Variants in AKR1D1 observed in about 807,000 individuals in gnomAD.
AKR1D1 encodes aldo-keto reductase family 1 member D1, also known as delta(4)-3-ketosteroid 5-beta-reductase.
Under a neutral mutation model 42.6 loss-of-function variants are expected in AKR1D1, and 32 were observed. The observed-to-expected ratio is 0.75, with a 90% CI of 0.57 to 1.01. AKR1D1 has a LOEUF of 1.01. Among genes scored for constraint, AKR1D1 ranks in the 50% least tolerant of loss-of-function variants. The pLI is 0.00. For synonymous variants in AKR1D1, 123 were observed against 135.5 expected (o/e 0.91, Z 0.64); for missense variants, 364 against 402.2 (o/e 0.91, Z 0.81).
chr7:138,101,849 C>G (rs1794325439), intron 4 of AKR1D1, among the ~76,000 whole-genome samples: 1 of 152,070 alleles, frequency 6.6e-6, no homozygotes, highest in African/African-American at 2.4e-5. Context: ...TAATTTTCCC[C>G]AAATTCATCT....
In AKR1D1 at chr7:138,107,674, A is replaced by G. The variant is rs3816829; in HGVS notation, c.855+94A>G. 1,025,710 of 1,313,282 alleles carry G rather than the reference A, an allele frequency of 0.78. 402,434 individuals carry two copies. Among genetic ancestry groups the G allele is most frequent in the African/African-American group, 0.86 (59,048 of 68,398 alleles). 81.4% of individuals were successfully genotyped at this position (1,313,282 alleles called of 1,614,324 possible). A position where few individuals can be genotyped will look rare whatever the true frequency, so the allele number is the denominator to read the frequency against. ...TTCAGCTTAATAGGAAACCTGTAAC[A>G]CTCTCATATTTTATTTTATACCAGC... On this transcript the variant is annotated intron_variant, in intron 7 of 8. Transcript: ENST00000242375.
intron 7 of AKR1D1, among the ~76,000 whole-genome samples, chr7:138,109,660 T>C (rs1327447387): frequency 6.6e-6 from 1 of 152,208 alleles, no homozygotes; most frequent in Non-Finnish European, 1.5e-5. Flanking sequence ...AGATGCTGAA[T>C]AGTTACATCA....
chr7:138,084,830 G>T (rs1315682551), intron 1 of AKR1D1, among the ~76,000 whole-genome samples: 1 of 151,956 alleles, frequency 6.6e-6, no homozygotes, highest in Admixed American at 6.6e-5. Context: ...GGCTGAGGCG[G>T]GCAGATCACA....
chr7:138,116,301 G>C (rs1219819300), intron 8 of AKR1D1, among the ~76,000 whole-genome samples: 4 of 152,162 alleles, frequency 2.6e-5, no homozygotes, highest in Admixed American at 2.6e-4. Flanking sequence ...GAACAGAAAG[G>C]GGGAAGGAGT....
chr7:138,107,379 C>A, intron 6 of AKR1D1, 36 bp from the exon 7 acceptor site: 1 of 1,608,964 alleles, frequency 6.2e-7, no homozygotes, highest in Non-Finnish European at 8.5e-7. Flanking sequence ...TCTCATTATG[C>A]AAACTAATTA....
intron 7 of AKR1D1, among the ~76,000 whole-genome samples, chr7:138,108,721 A>G (rs1012948283): frequency 6.6e-5 from 10 of 152,216 alleles, no homozygotes; most frequent in African/African-American, 2.2e-4. Context: ...AACAAATGTC[A>G]AGAGATCTAT....
intron 7 of AKR1D1, among the ~76,000 whole-genome samples, chr7:138,109,363 C>T (rs1172696030): frequency 3.9e-5 from 6 of 152,116 alleles, no homozygotes; most frequent in South Asian, 4.1e-4. Context: ...TCTCTCTCTC[C>T]CTCCTTTCTC....
At chr7:138,094,599 T>C (rs1025394359) in intron 3 of AKR1D1, among the ~76,000 whole-genome samples, 1 of 152,180 alleles carries the variant, frequency 6.6e-6, no homozygotes, top group Non-Finnish European at 1.5e-5. Flanking sequence ...CACTGTAGCC[T>C]TGAGATCCTA....
At chr7:138,096,758 T>C (rs1330490750) in intron 3 of AKR1D1, among the ~76,000 whole-genome samples, 1 of 151,318 alleles carries the variant, frequency 6.6e-6, no homozygotes, top group East Asian at 1.9e-4. Context: ...TCATGGTCTT[T>C]GGCAGCTTCT....
chr7:138,090,035 C>T (rs1016341226), intron 2 of AKR1D1, among the ~76,000 whole-genome samples: 1 of 151,906 alleles, frequency 6.6e-6, no homozygotes, highest in African/African-American at 2.4e-5. Flanking sequence ...GCACTCACAC[C>T]GAACCTGGCA....
At chr7:138,077,499 A>C (rs1023774837) in intron 1 of AKR1D1, among the ~76,000 whole-genome samples, 2 of 152,184 alleles carry the variant, frequency 1.3e-5, no homozygotes, top group African/African-American at 4.8e-5. Flanking sequence ...ACTACAATTC[A>C]AGATAAGATT....
At chr7:138,107,742 A>C (rs1477614210) in intron 7 of AKR1D1, among the ~76,000 whole-genome samples, 162 bp downstream of exon 7, 1 of 152,152 alleles carries the variant, frequency 6.6e-6, no homozygotes, top group Non-Finnish European at 1.5e-5. Flanking sequence ...ATTTTCATTC[A>C]ATTTGAGACA....
At chr7:138,084,498 T>C (rs1803127544) in intron 1 of AKR1D1, among the ~76,000 whole-genome samples, 1 of 152,152 alleles carries the variant, frequency 6.6e-6, no homozygotes, top group East Asian at 1.9e-4. Context: ...GGATTACAGG[T>C]GTGTGCCACT....
chr7:138,114,077 A>G (rs1327333199), intron 8 of AKR1D1, among the ~76,000 whole-genome samples: 1 of 152,250 alleles, frequency 6.6e-6, no homozygotes, highest in Non-Finnish European at 1.5e-5. Flanking sequence ...AAACAACAGC[A>G]GCACAAATGT....
intron 1 of AKR1D1, among the ~76,000 whole-genome samples, chr7:138,079,855 A>G (rs1449217692): frequency 3.3e-5 from 5 of 152,228 alleles, no homozygotes; most frequent in Non-Finnish European, 7.3e-5. Flanking sequence ...CTCAGCAGCA[A>G]TGTCAACAAT....
At chr7:138,085,957 T>C (rs1006305990) in intron 1 of AKR1D1, among the ~76,000 whole-genome samples, 1 of 151,852 alleles carries the variant, frequency 6.6e-6, no homozygotes, top group African/African-American at 2.4e-5. Context: ...CATATATTAA[T>C]AATATGTAGA....
intron 2 of AKR1D1, among the ~76,000 whole-genome samples, chr7:138,090,846 C>T (rs968382899): frequency 3.3e-5 from 5 of 151,954 alleles, no homozygotes; most frequent in African/African-American, 1.2e-4. Flanking sequence ...AATGCCTTAG[C>T]GAAAGAGTAA....
chr7:138,108,113 G>A (rs1794469609), intron 7 of AKR1D1, among the ~76,000 whole-genome samples: 1 of 152,186 alleles, frequency 6.6e-6, no homozygotes, highest in Admixed American at 6.5e-5. Flanking sequence ...GGTAAAAGTT[G>A]AGGACAAATT....
In AKR1D1 at chr7:138,106,563, A is replaced by G. The variant is rs200337940; in HGVS notation, c.580-45A>G. On this transcript the variant is annotated intron_variant, in intron 5 of 8. Transcript: ENST00000242375. ...TTTAACAGTACAATTGCATTCAACA[A>G]CGTGGCCTTGATTTTGTGCTCTGCT... 8.6e-4 allele frequency: 1,257 copies of G among 1,460,620 alleles called. 3 individuals are homozygous for G. The highest frequency in any genetic ancestry group is 1.1e-3 in the Non-Finnish European group (1,168 of 1,040,134). 90.5% of individuals were successfully genotyped at this position (1,460,620 alleles called of 1,614,324 possible). A position where few individuals can be genotyped will look rare whatever the true frequency, so the allele number is the denominator to read the frequency against.
Sources: allele counts gnomAD v4.1 joint callset (sites outside exome capture counted in the v4.1 genomes callset), GRCh38; gene constraint gnomAD v4.1.1; transcripts MANE v1.5; gene names NCBI Gene and HGNC (gene_info 2026-07-23, HGNC 2026-07-21).